The following ANKRD54 variants were observed in gnomAD, a reference collection of about 807,000 sequenced individuals.
The protein encoded by ANKRD54 is ankyrin repeat domain 54, also known as ankyrin repeat domain-containing protein 54.
A neutral mutation model predicts 36.2 loss-of-function variants in ANKRD54; 26 were observed. The ratio of observed to expected loss-of-function variants is 0.72; its 90% CI spans 0.53 to 1.00. ANKRD54 has a LOEUF of 1.00. ANKRD54 is among the 50% of genes least tolerant of loss of function. The probability of loss-of-function intolerance (pLI) is 0.00; values close to 1 mark genes in which losing one functional copy is unlikely to be tolerated. For synonymous variants in ANKRD54, 209 were observed against 188.4 expected (o/e 1.11, Z -0.89); for missense variants, 384 against 424.3 (o/e 0.91, Z 0.83).
intron 1 of ANKRD54, among the ~76,000 whole-genome samples, chr22:37,841,803 G>A (rs542426435): frequency 1.6e-4 from 24 of 151,576 alleles, no homozygotes; most frequent in East Asian, 1.2e-3. Flanking sequence ...AGCCAAGATC[G>A]CGCCACTGCA....
chr22:37,833,230 A>C, intron 4 of ANKRD54, 24 bp from the exon 5 acceptor site: 1 of 1,612,618 alleles, frequency 6.2e-7, no homozygotes, highest in South Asian at 1.1e-5. Flanking sequence ...ACAGAGACTT[A>C]AGAATCCAGG....
intron 1 of ANKRD54, among the ~76,000 whole-genome samples, chr22:37,843,240 T>C (rs527889806): frequency 7.7e-4 from 117 of 152,144 alleles, no homozygotes; most frequent in African/African-American, 2.7e-3. Context: ...CTGGCAAACA[T>C]GGTGAAACCC....
rs1468933165 is a variant in ANKRD54 at position 37,843,991 on chromosome 22, C to T, written c.248G>A (p.Arg83His). ...CAGCCGGCCAGCGGGTATCTTGCAG[C>T]GCAGCTCGTCGCGCGGCTCCGCATC... ...QQDAEPRDEL[R>H]CKIPAGRLRR... Residue 83 changes from arginine to histidine, a missense_variant, in exon 1 of 8, where the codon CGC (arginine) becomes CAC (histidine). Arg to His is a conservative substitution (Grantham distance 29). Transcript: ENST00000215941. 1.4e-6 allele frequency: 2 copies of T among 1,423,366 alleles called. No homozygotes were observed. Among genetic ancestry groups the T allele is most frequent in the South Asian group, 1.4e-5 (1 of 69,968 alleles). The allele number at this position is 1,423,366 out of a possible 1,614,324, so 88.2% of individuals were successfully genotyped here.
chr22:37,843,895 C>G lies in ANKRD54; in HGVS notation c.328+16G>C. 5.7e-6 allele frequency: 7 copies of G among 1,217,458 alleles called. No individual in the cohort carries two copies. The highest frequency in any genetic ancestry group is 7.1e-6 in the Non-Finnish European group (7 of 980,350). 75.4% of individuals were successfully genotyped at this position (1,217,458 alleles called of 1,614,324 possible). ...GCTGCCCCGCCCCGGGCCCCCGCGCCGCTCGCGCCGCTCACCGTGCACCTC... is the reference window on the plus strand; with the variant it reads ...GCTGCCCCGCCCCGGGCCCCCGCGCGGCTCGCGCCGCTCACCGTGCACCTC... On this transcript the variant is annotated intron_variant, in intron 1 of 7. Coordinates refer to ENST00000215941, the MANE Select transcript of ANKRD54 (RefSeq NM_138797.4).
upstream of ANKRD54, among the ~76,000 whole-genome samples, chr22:37,845,389 ACTT>A (rs567687427): frequency 6.1e-4 from 93 of 152,234 alleles, 1 homozygote; most frequent in South Asian, 8.1e-3. Context: ...TTTTCATAAA[ACTT>A]CTCACAATCC....
intron 3 of ANKRD54, among the ~76,000 whole-genome samples, chr22:37,837,444 A>C (rs1048728402): frequency 1.3e-5 from 2 of 152,222 alleles, no homozygotes; most frequent in Non-Finnish European, 2.9e-5. Context: ...GGTATATCAC[A>C]ATGAAATACA....
upstream of ANKRD54, chr22:37,847,689 T>C (rs1212248915): frequency 4.1e-6 from 2 of 485,368 alleles, no homozygotes; most frequent in Non-Finnish European, 8.1e-6. Context: ...CATGAGGACA[T>C]TGTTGGGGAC....
At chr22:37,837,099 A>G (rs79156804) in intron 3 of ANKRD54, among the ~76,000 whole-genome samples, 108 of 152,246 alleles carry the variant, frequency 7.1e-4, no homozygotes, top group African/African-American at 2.5e-3. Context: ...AGAAATGCAA[A>G]TTAAACCACT....
At chr22:37,843,832 G>T (rs961793264) in intron 1 of ANKRD54, 79 bp downstream of exon 1, 9 of 1,061,584 alleles carry the variant, frequency 8.5e-6, no homozygotes, top group Non-Finnish European at 1.1e-5. Flanking sequence ...CGACCAAAGC[G>T]CGGCCACTGG....
chr22:37,832,013 T>C lies in ANKRD54; in HGVS notation c.833A>G (p.Asp278Gly). ...LQMTSTKEQV[D>G]EVTDLLASFT... ...GCTGGCCAGGAGGTCAGTCACTTCA[T>C]CCACCTGCAGGACGGAACAGAGGCT... Residue 278 changes from aspartate (D) to glycine (G), a missense_variant, in exon 8 of 8, where the codon GAT becomes GGT. Around this residue, in one of 3 missense-constraint regions of ANKRD54, gnomAD observed 179 missense variants for 224.0 expected, o/e 0.80. Transcript: ENST00000215941. 3 of 1,612,806 alleles carry C rather than the reference T, an allele frequency of 1.9e-6. No individual in the cohort carries two copies. The highest frequency in any genetic ancestry group is 2.5e-6 in the Non-Finnish European group (3 of 1,179,536).
chr22:37,845,293 T>A (rs1433651899), upstream of ANKRD54, among the ~76,000 whole-genome samples: 1 of 152,200 alleles, frequency 6.6e-6, no homozygotes, highest in Non-Finnish European at 1.5e-5. Context: ...AGGATCAGAC[T>A]TGGTGCCCCT....
chr22:37,833,340 C>A, intron 4 of ANKRD54, 134 bp from the exon 5 acceptor site: 1 of 1,113,434 alleles, frequency 9.0e-7, no homozygotes, highest in Admixed American at 2.1e-5. Flanking sequence ...ATCGCCAAGG[C>A]ACAGCTAGGT....
chr22:37,834,306 G>A (rs1334836819), intron 3 of ANKRD54: 1 of 152,644 alleles, frequency 6.6e-6, no homozygotes, highest in Non-Finnish European at 1.5e-5. Flanking sequence ...AGGGACCATA[G>A]ACATAAGTGT....
At chr22:37,842,560 T>C (rs1158666160) in intron 1 of ANKRD54, among the ~76,000 whole-genome samples, 1 of 152,240 alleles carries the variant, frequency 6.6e-6, no homozygotes, top group East Asian at 1.9e-4. Context: ...AGCAGGTCGT[T>C]CCCAAATGAT....
chr22:37,838,441 G>T, intron 3 of ANKRD54, 59 bp downstream of exon 3: 1 of 1,515,984 alleles, frequency 6.6e-7, no homozygotes, highest in Non-Finnish European at 9.0e-7. Flanking sequence ...CCTCCCCCAA[G>T]GCCTGTGCAG....
intron 3 of ANKRD54, 24 bp downstream of exon 3, chr22:37,838,476 C>A: frequency 6.3e-7 from 1 of 1,597,752 alleles, no homozygotes; most frequent in Non-Finnish European, 8.5e-7. Flanking sequence ...TAGCCCTACT[C>A]CCTCCTCCCT....
chr22:37,843,851 G>GGCCCC, intron 1 of ANKRD54, 60 bp downstream of exon 1: 1 of 1,157,296 alleles, frequency 8.6e-7, no homozygotes, highest in African/African-American at 1.6e-5. Flanking sequence ...GGTCCTCTGA[G>GGCCCC]GCCCCGCCCC....
chr22:37,831,787 A>G lies in ANKRD54; in HGVS notation c.*156T>C, dbSNP rs1419977435. On this transcript the variant is annotated 3_prime_UTR_variant, in exon 8 of 8. Transcript: ENST00000215941. ...GCTGGGAGTGGCTCTGAGGCCGTGG[A>G]GAGAGAGCATCTCTGCCCCACGGCA... 2 of 680,472 alleles carry G rather than the reference A, an allele frequency of 2.9e-6. No homozygotes were observed. The highest frequency in any genetic ancestry group is 5.5e-5 in the East Asian group (2 of 36,216). 42.2% of individuals were successfully genotyped at this position (680,472 alleles called of 1,614,324 possible).
chr22:37,833,107 A>T (rs1422237640), intron 5 of ANKRD54, 25 bp from the exon 6 acceptor site: 1 of 1,614,046 alleles, frequency 6.2e-7, no homozygotes, highest in Non-Finnish European at 8.5e-7. Flanking sequence ...TGAGGTGAGC[A>T]TTCTGGGGGT....
Sources: allele counts gnomAD v4.1 joint callset (sites outside exome capture counted in the v4.1 genomes callset), GRCh38; gene constraint gnomAD v4.1.1; regional missense constraint gnomAD v4.1.1; transcripts MANE v1.5; gene names NCBI Gene and HGNC (gene_info 2026-07-23, HGNC 2026-07-21).